The following PDE10A variants were observed in gnomAD, a reference collection of about 807,000 sequenced individuals.
PDE10A encodes the protein cAMP and cAMP-inhibited cGMP 3',5'-cyclic phosphodiesterase 10A.
In PDE10A, 39 loss-of-function variants were observed where a neutral mutation model predicts 97.7. The ratio of observed to expected loss-of-function variants is 0.40; its 90% CI spans 0.31 to 0.52. PDE10A has a LOEUF of 0.52. Ranked by LOEUF, PDE10A falls within the 20% of genes least tolerant of loss-of-function variation. The pLI, the probability that PDE10A is intolerant of heterozygous loss-of-function variation, is 0.56. For synonymous variants in PDE10A, 371 were observed against 376.8 expected, an observed-to-expected ratio of 0.98 and a Z score of 0.18; for missense variants, 731 against 1,047.8, an observed-to-expected ratio of 0.70 and a Z score of 4.17.
chr6:165,451,546 T>C (rs988016160), intron 3 of PDE10A, among the ~76,000 whole-genome samples: 1 of 152,176 alleles, frequency 6.6e-6, no homozygotes, highest in Non-Finnish European at 1.5e-5. Flanking sequence ...CAAAACTGCG[T>C]CTCACACCCC....
rs542059557 is a variant in PDE10A at position 165,568,029 on chromosome 6, C to T, written c.866-24461G>A. Among the ~76,000 whole-genome samples the T allele has an allele frequency of 1.8e-3, 236 of 127,682 alleles. 1 individual carries two copies. The Middle Eastern group carries it at 0.037, about 20-fold the overall frequency. The allele number at this position is 127,682 out of a possible 152,430, so 83.8% of individuals were successfully genotyped here. On this transcript the variant is annotated intron_variant, in intron 1 of 21. Coordinates refer to ENST00000539869, the MANE Select transcript of PDE10A (RefSeq NM_001385079.1). Reference sequence around the variant, plus strand: ...TTTTTTTTTTTTTGAGACGGAGTCTCGCTCTGTCGCCCAGGCTGGAGTGCA... The same window carrying T: ...TTTTTTTTTTTTTGAGACGGAGTCTTGCTCTGTCGCCCAGGCTGGAGTGCA...
At chr6:165,436,133 A>G (rs1420731888) in intron 5 of PDE10A, among the ~76,000 whole-genome samples, 5 of 152,224 alleles carry the variant, frequency 3.3e-5, no homozygotes, top group Non-Finnish European at 7.3e-5. Flanking sequence ...ATATTTTGAC[A>G]TAATTGTATC....
At chr6:165,452,539 C>T (rs1054441700) in intron 3 of PDE10A, among the ~76,000 whole-genome samples, 9 of 152,132 alleles carry the variant, frequency 5.9e-5, no homozygotes, top group African/African-American at 1.9e-4. Flanking sequence ...CCCTTCCCTT[C>T]TCTCTCTTGT....
chr6:165,469,671 G>A (rs1778871131), intron 3 of PDE10A, among the ~76,000 whole-genome samples: 1 of 151,944 alleles, frequency 6.6e-6, no homozygotes, highest in Admixed American at 6.6e-5. Context: ...AGAATGAGTG[G>A]TTTTCCATCT....
chr6:165,857,720 TGTGTGTGTGTGTGTGTGA>T lies in PDE10A; in HGVS notation c.-615+129791_-615+129808del, dbSNP rs1204341853. Among the ~76,000 whole-genome samples the T allele has an allele frequency of 7.3e-3, 1,058 of 144,310 alleles. 17 individuals are homozygous for T. Among genetic ancestry groups the T allele is most frequent in the African/African-American group, 0.024 (957 of 39,938 alleles). The allele number at this position is 144,310 out of a possible 152,430, so 94.7% of individuals were successfully genotyped here. ...TTCCGTGTGTGTGTGTGTGTGTGTGTGTGTGTGTGTGTGTGTGAAGAATGATTGTGCTCTTTGGGGCAA... is the reference window on the plus strand; with the variant it reads ...TTCCGTGTGTGTGTGTGTGTGTGTGTAGAATGATTGTGCTCTTTGGGGCAA... On this transcript the variant is annotated intron_variant, in intron 1 of 19. Coordinates refer to the PDE10A transcript ENST00000366882.
chr6:165,861,650 G>C (rs1045123731), intron 1 of PDE10A, among the ~76,000 whole-genome samples: 1 of 151,996 alleles, frequency 6.6e-6, no homozygotes, highest in African/African-American at 2.4e-5. Context: ...CTGGGAAGGG[G>C]AGCAGAGACC....
At chr6:165,557,958 G>T (rs544508974) in intron 1 of PDE10A, among the ~76,000 whole-genome samples, 3 of 152,286 alleles carry the variant, frequency 2.0e-5, no homozygotes, top group Admixed American at 1.3e-4. Context: ...TTTTTATTCA[G>T]TACGTGTATA....
chr6:165,540,339 T>A, intron 2 of PDE10A, among the ~76,000 whole-genome samples: 1 of 152,320 alleles, frequency 6.6e-6, no homozygotes, highest in South Asian at 2.1e-4. Flanking sequence ...CAGGTGTTTT[T>A]TTCTTTTATT....
intron 1 of PDE10A, among the ~76,000 whole-genome samples, chr6:165,924,245 G>T (rs946802094): frequency 2.0e-5 from 3 of 152,064 alleles, no homozygotes; most frequent in Admixed American, 6.6e-5. Flanking sequence ...TTGGATAGAA[G>T]ATCTCCCTCT....
rs1414346999 is a variant in PDE10A at position 165,373,672 on chromosome 6, G to A, written c.2783+5522C>T. ...TTCAACCATTGTGGAAGTCAGTGTG[G>A]CGATTCCTCAGGGATCTAGAACTAG... is the stretch of plus-strand genomic sequence containing the variant. On this transcript the variant is annotated intron_variant, in intron 18 of 21. Coordinates refer to ENST00000539869, the MANE Select transcript of PDE10A (RefSeq NM_001385079.1). Among the ~76,000 whole-genome samples the A allele has an allele frequency of 2.6e-5, 4 of 152,222 alleles. No homozygotes were observed. The East Asian group carries it at 5.8e-4, about 22-fold the overall frequency.
intron 13 of PDE10A, among the ~76,000 whole-genome samples, chr6:165,410,459 C>CA (rs1385280843): frequency 6.8e-5 from 10 of 147,816 alleles, no homozygotes; most frequent in Non-Finnish European, 1.5e-4. Context: ...CTCACTGTAA[C>CA]AAAAAAAGTT....
At chr6:165,890,182 A>G (rs1781752401) in intron 1 of PDE10A, among the ~76,000 whole-genome samples, 1 of 151,990 alleles carries the variant, frequency 6.6e-6, no homozygotes, top group Non-Finnish European at 1.5e-5. Flanking sequence ...GACAGAAGCC[A>G]GGGTCTCTGT....
chr6:165,827,853 C>T (rs139906207), intron 1 of PDE10A, among the ~76,000 whole-genome samples: 15 of 152,266 alleles, frequency 9.9e-5, no homozygotes, highest in East Asian at 5.8e-4. Context: ...ATCATTCTTA[C>T]GCCTTTGCAT....
At chr6:165,664,792 C>T (rs1281629735), upstream of PDE10A, among the ~76,000 whole-genome samples, 1 of 152,190 alleles carries the variant, frequency 6.6e-6, no homozygotes, top group African/African-American at 2.4e-5. Context: ...CGAGTTTCTC[C>T]TCAAGTGTTT....
At chr6:165,551,955 C>A (rs1784039492) in intron 1 of PDE10A, among the ~76,000 whole-genome samples, 2 of 152,240 alleles carry the variant, frequency 1.3e-5, no homozygotes, top group South Asian at 4.1e-4. Flanking sequence ...TTCAGTCCTC[C>A]AGCATGCCAA....
chr6:165,877,889 G>A (rs1331435704), intron 1 of PDE10A, among the ~76,000 whole-genome samples: 1 of 152,136 alleles, frequency 6.6e-6, no homozygotes, highest in Non-Finnish European at 1.5e-5. Flanking sequence ...ATGAAAAAGG[G>A]AAACAAAGCC....
At chr6:165,359,405 T>C (rs1399184699) in intron 18 of PDE10A, among the ~76,000 whole-genome samples, 1 of 152,186 alleles carries the variant, frequency 6.6e-6, no homozygotes, top group African/African-American at 2.4e-5. Flanking sequence ...TTTGAATACG[T>C]CCATGTTTTT....
chr6:165,328,191 A>G lies in PDE10A; in HGVS notation c.*4834T>C, dbSNP rs1781151493. On this transcript the variant is annotated 3_prime_UTR_variant, in exon 22 of 22. Transcript: ENST00000539869. The stretch of plus-strand genomic sequence containing the variant: ...TAGCATATACACCATACAACAGATC[A>G]TATGGAAAATAATATTCCTATATGT... The G allele has an allele frequency of 6.6e-6, 1 of 152,236 alleles. No individual in the cohort carries two copies. The highest frequency in any genetic ancestry group is 6.5e-5 in the Admixed American group (1 of 15,286). The allele number at this position is 152,236 out of a possible 1,614,324, so 9.4% of individuals were successfully genotyped here.
rs546428333 is a variant in PDE10A, at chr6:165,610,498, T to C, written c.865+51449A>G. Among the ~76,000 whole-genome samples, 591 of 135,508 alleles carry C rather than the reference T, an allele frequency of 4.4e-3. 3 individuals are homozygous for C. Among genetic ancestry groups the C allele is most frequent in the African/African-American group, 0.016 (557 of 34,980 alleles). 88.9% of individuals were successfully genotyped at this position (135,508 alleles called of 152,430 possible). On this transcript the variant is annotated intron_variant, in intron 1 of 21. Transcript: ENST00000539869. ...GTGAGCTGAGATCGCGCCACTGCAC[T>C]CCAGCCTGGGTGACAGAGCGAGACT...
Sources: allele counts gnomAD v4.1 joint callset (sites outside exome capture counted in the v4.1 genomes callset), GRCh38; gene constraint gnomAD v4.1.1; transcripts MANE v1.5; gene names NCBI Gene and HGNC (gene_info 2026-07-23, HGNC 2026-07-21).